PCSK5: variants seen among roughly 807,000 people sequenced by gnomAD.
PCSK5 encodes the protein proprotein convertase subtilisin/kexin type 5.
In PCSK5, 129 loss-of-function variants were observed where a neutral mutation model predicts 233.2. The ratio of observed to expected loss-of-function variants is 0.55; its 90% CI spans 0.48 to 0.64. The LOEUF is 0.64. Among genes scored for constraint, PCSK5 ranks in the 30% least tolerant of loss-of-function variants. The pLI is 0.00. For synonymous variants in PCSK5, 825 were observed against 879.2 expected (o/e 0.94, Z 1.09); for missense variants, 2,076 against 2,430.1 (o/e 0.85, Z 3.06).
intron 8 of PCSK5, among the ~76,000 whole-genome samples, chr9:76,096,632 C>G (rs1343681103): frequency 1.4e-5 from 2 of 146,992 alleles, no homozygotes; most frequent in Non-Finnish European, 3.0e-5. Flanking sequence ...GAGATGAAGT[C>G]TAACTGTTGC....
intron 4 of PCSK5, 115 bp from the exon 5 acceptor site, chr9:76,026,846 G>A (rs1287451765): frequency 1.9e-5 from 13 of 687,612 alleles, no homozygotes; most frequent in Non-Finnish European, 3.1e-5. Flanking sequence ...GAGCGTATTA[G>A]TTAACCTAAT....
intron 3 of PCSK5, among the ~76,000 whole-genome samples, chr9:75,999,245 G>A (rs909959795): frequency 4.6e-5 from 7 of 151,910 alleles, no homozygotes; most frequent in African/African-American, 1.7e-4. Flanking sequence ...GGTGTGTGAT[G>A]TTCCCCTCCC....
At chr9:76,119,107 C>CA (rs1462548947) in intron 9 of PCSK5, among the ~76,000 whole-genome samples, 3 of 151,976 alleles carry the variant, frequency 2.0e-5, no homozygotes, top group Admixed American at 2.0e-4. Flanking sequence ...GGTGCTGAGA[C>CA]ATTTTTGAAT....
At chr9:76,276,322 A>G (rs1433642654) in intron 24 of PCSK5, among the ~76,000 whole-genome samples, 1 of 152,208 alleles carries the variant, frequency 6.6e-6, no homozygotes, top group Non-Finnish European at 1.5e-5. Flanking sequence ...CTGCAGTTAA[A>G]TAAGCCATTA....
chr9:75,983,055 C>T (rs1437468420), intron 2 of PCSK5, among the ~76,000 whole-genome samples: 1 of 151,832 alleles, frequency 6.6e-6, no homozygotes, highest in African/African-American at 2.4e-5. Flanking sequence ...AGAATAATAC[C>T]ATTATCATAT....
intron 21 of PCSK5, among the ~76,000 whole-genome samples, chr9:76,228,450 T>C (rs1825968195): frequency 6.6e-6 from 1 of 152,230 alleles, no homozygotes; most frequent in African/African-American, 2.4e-5. Context: ...CATTAGACTG[T>C]AAGCCACTTG....
Position 75,986,166 on chromosome 9 carries a change from G to A in PCSK5, c.332G>A (p.Arg111Gln), listed in dbSNP as rs767412291. The A allele has an allele frequency of 3.7e-6, 6 of 1,613,608 alleles. No individual in the cohort carries two copies. Among genetic ancestry groups the A allele is most frequent in the South Asian group, 1.1e-5 (1 of 91,062 alleles). ...EWIQQQVVKKRTKRDYDFSRA... is the reference protein window; with the variant it reads ...EWIQQQVVKKQTKRDYDFSRA... ...ATCCAACAGCAAGTGGTAAAAAAGC[G>A]GACAAAGAGGGATTATGACTTCAGT... Residue 111 changes from arginine to glutamine, a missense_variant, in exon 3 of 38, where the codon CGG becomes CAG. Coordinates refer to ENST00000674117, the MANE Select transcript of PCSK5 (RefSeq NM_001372043.1).
At chr9:75,985,886 CTTG>C (rs1188640888) in intron 2 of PCSK5, among the ~76,000 whole-genome samples, 4 of 152,062 alleles carry the variant, frequency 2.6e-5, no homozygotes, top group African/African-American at 9.7e-5. Context: ...TAAAAGTTAG[CTTG>C]TTGTTGAGAG....
rs1829196086 is a variant in PCSK5, at chr9:76,321,368, G to A, written c.3885-54G>A. On this transcript the variant is annotated intron_variant, in intron 30 of 37. Transcript: ENST00000674117. ...CCTAATTCCTTTTCCCCAGGAATGA[G>A]TCACTTCTCCAGCAGGTCAGCTTCT... The A allele has an allele frequency of 5.2e-6, 5 of 961,906 alleles. No homozygotes were observed. The South Asian group carries it at 6.5e-5, about 13-fold the overall frequency. The allele number at this position is 961,906 out of a possible 1,614,324, so 59.6% of individuals were successfully genotyped here.
rs764965420 is a variant in PCSK5 at position 75,932,376 on chromosome 9, C to A, written c.193-3C>A. The stretch of plus-strand genomic sequence containing the variant: ...TTCTTTCCTTCCCACCCTTCCTTTG[C>A]AGATAGGGGCCCTGAAGGACTACTA... On this transcript the variant is annotated splice_region_variant and splice_polypyrimidine_tract_variant and intron_variant, in intron 1 of 37. Transcript: ENST00000674117. 6.4e-7 allele frequency: 1 copy of A among 1,571,474 alleles called. No individual in the cohort carries two copies. Among genetic ancestry groups the A allele is most frequent in the South Asian group, 1.1e-5 (1 of 89,004 alleles).
In PCSK5 at chr9:75,994,400, C is replaced by CTTTTTTTTTTTTTTTTTTT. The variant is rs550518074; in HGVS notation, c.411+8179_411+8197dup. On this transcript the variant is annotated intron_variant, in intron 3 of 37. Coordinates refer to ENST00000674117, the MANE Select transcript of PCSK5 (RefSeq NM_001372043.1). ...GTTTCTTTCTTTTCTTTCTTTCTTT[C>CTTTTTTTTTTTTTTTTTTT]TTTTTTTTTTTTTTTTTTTTTTTTT... is the stretch of plus-strand genomic sequence containing the variant. Among the ~76,000 whole-genome samples, 6 of 82,044 alleles carry CTTTTTTTTTTTTTTTTTTT rather than the reference C, an allele frequency of 7.3e-5. 1 individual carries two copies. Among genetic ancestry groups the CTTTTTTTTTTTTTTTTTTT allele is most frequent in the Non-Finnish European group, 6.4e-5 (3 of 46,896 alleles). The allele number at this position is 82,044 out of a possible 152,430, so 53.8% of individuals were successfully genotyped here.
chr9:76,123,318 T>G (rs1023113554), intron 9 of PCSK5, among the ~76,000 whole-genome samples: 1 of 152,242 alleles, frequency 6.6e-6, no homozygotes, highest in African/African-American at 2.4e-5. Context: ...CATGAATCTT[T>G]GTATATGTTT....
At position 76,184,706 on chromosome 9, in the gene PCSK5, G is replaced by A. The variant is rs1358998763; in HGVS notation, c.2231G>A (p.Cys744Tyr). Residue 744 changes from cysteine (C) to tyrosine (Y), a missense_variant, in exon 17 of 38, where the codon TGC becomes TAC. Physicochemically the swap from Cys to Tyr is radical, Grantham distance 194 (BLOSUM62 -2). Around this residue, in one of 6 missense-constraint regions of PCSK5, gnomAD observed 1,510 missense variants for 1,538.1 expected, o/e 0.98. Transcript: ENST00000674117. ...KNLCRKCSEN[C>Y]KTCTEFHNCT... is the part of the protein sequence containing the mutation. ...CTTTGCCGGAAATGCAGTGAAAACT[G>A]CAAGACATGTACTGAATTCCATAAC... The A allele has an allele frequency of 1.9e-6, 3 of 1,611,592 alleles. No homozygotes were observed. Among genetic ancestry groups the A allele is most frequent in the Non-Finnish European group, 2.5e-6 (3 of 1,178,380 alleles).
At chr9:76,335,411 T>C (rs1005965685) in intron 34 of PCSK5, among the ~76,000 whole-genome samples, 1 of 152,238 alleles carries the variant, frequency 6.6e-6, no homozygotes, top group African/African-American at 2.4e-5. Flanking sequence ...GTGTTCCACA[T>C]GCTTGGCATA....
intron 5 of PCSK5, among the ~76,000 whole-genome samples, chr9:76,054,742 G>T (rs145143100): frequency 1.3e-5 from 2 of 152,246 alleles, no homozygotes; most frequent in East Asian, 1.9e-4. Flanking sequence ...TCCCACGATG[G>T]TAACAGTTTA....
intron 8 of PCSK5, among the ~76,000 whole-genome samples, chr9:76,101,455 T>A (rs1436724098): frequency 6.6e-6 from 1 of 152,216 alleles, no homozygotes; most frequent in East Asian, 1.9e-4. Flanking sequence ...AAAGATCCTA[T>A]CTATAACCCC....
intron 6 of PCSK5, 60 bp from the exon 7 acceptor site, chr9:76,071,666 T>G: frequency 7.2e-7 from 1 of 1,390,986 alleles, no homozygotes; most frequent in Non-Finnish European, 9.9e-7. Context: ...TGCAGCTCTG[T>G]TCTTTGAGTG....
intron 3 of PCSK5, among the ~76,000 whole-genome samples, chr9:76,016,792 AC>A: frequency 6.6e-6 from 1 of 152,240 alleles, no homozygotes; most frequent in Admixed American, 6.5e-5. Flanking sequence ...AATGAGAAAC[AC>A]CATCCACTTA....
chr9:76,218,844 C>T (rs1825631512), intron 20 of PCSK5, among the ~76,000 whole-genome samples: 2 of 151,826 alleles, frequency 1.3e-5, no homozygotes, highest in Admixed American at 1.3e-4. Flanking sequence ...CCGCAGTAGG[C>T]ACGGAGCAAA....
Sources: allele counts gnomAD v4.1 joint callset (sites outside exome capture counted in the v4.1 genomes callset), GRCh38; gene constraint gnomAD v4.1.1; regional missense constraint gnomAD v4.1.1; transcripts MANE v1.5; gene names NCBI Gene and HGNC (gene_info 2026-07-23, HGNC 2026-07-21).